The following ZNF782 variants were observed in gnomAD, a reference collection of about 807,000 sequenced individuals.
ZNF782 encodes zinc finger protein 782.
ZNF782 carries 12 observed loss-of-function variants against 13.0 expected under a neutral mutation model. The ratio of observed to expected loss-of-function variants is 0.92; its 90% CI spans 0.59 to 1.50. The LOEUF (loss-of-function observed/expected upper bound fraction) is 1.50, where lower values mean the gene tolerates loss of function less well. ZNF782 is among the 40% of genes most tolerant of loss of function. The pLI is 0.00. For synonymous variants in ZNF782, 284 were observed against 283.0 expected, an observed-to-expected ratio of 1.00 and a Z score of -0.04; for missense variants, 770 against 822.9, an observed-to-expected ratio of 0.94 and a Z score of 0.79.
At chr9:96,873,385 G>A (rs2118891502) in intron 1 of ZNF782, among the ~76,000 whole-genome samples, 1 of 152,278 alleles carries the variant, frequency 6.6e-6, no homozygotes, top group South Asian at 2.1e-4. Flanking sequence ...GAGGGGCACT[G>A]GACATAAATC....
chr9:96,890,524 TAATTA>T, the ZNF782 span: 1 of 152,296 alleles, frequency 6.6e-6, no homozygotes, highest in East Asian at 1.9e-4. Context: ...GTTCGCGTGT[TAATTA>T]AAGTACCCTC....
chr9:96,828,193 T>C (rs1330974765), intron 4 of ZNF782, among the ~76,000 whole-genome samples: 1 of 152,176 alleles, frequency 6.6e-6, no homozygotes, highest in East Asian at 1.9e-4. Context: ...AGGAAGTTTA[T>C]ATCATCACCA....
At chr9:96,917,894 G>GTGTC in the ZNF782 span, among the ~76,000 whole-genome samples, 15 of 145,114 alleles carry the variant, frequency 1.0e-4, no homozygotes, top group African/African-American at 3.7e-4. Context: ...TGGCGTGTGT[G>GTGTC]TGTGTGTGTG....
chr9:96,854,297 T>C lies in ZNF782; in HGVS notation c.-471A>G, dbSNP rs920147026. 6.6e-6 allele frequency: 1 copy of C among 152,214 alleles called. No homozygotes were observed. Among genetic ancestry groups the C allele is most frequent in the South Asian group, 2.1e-4 (1 of 4,838 alleles). The allele number at this position is 152,214 out of a possible 1,614,324, so 9.4% of individuals were successfully genotyped here. On this transcript the variant is annotated 5_prime_UTR_variant, in exon 1 of 6. Coordinates refer to ENST00000481138, the MANE Select transcript of ZNF782 (RefSeq NM_001001662.3). ...CCGCCCCGGGAGCCAGCGGCCGAAG[T>C]CCCTCTCCAGCGGCCGGGAAGGCCG...
chr9:96,863,295 G>T (rs947758902), intron 1 of ZNF782, among the ~76,000 whole-genome samples: 2 of 150,910 alleles, frequency 1.3e-5, no homozygotes, highest in South Asian at 2.1e-4. Context: ...AAATGCAAAC[G>T]AAAACCACAA....
At position 96,818,155 on chromosome 9, in the gene ZNF782, C is replaced by T. The variant is rs1161842086; in HGVS notation, c.1868G>A (p.Cys623Tyr). The change falls in exon 6 of 6, where the codon TGT becomes TAT. Residue 623 changes from cysteine (C) to tyrosine (Y), a missense_variant. By Grantham distance (194) the Cys-to-Tyr change is radical. Transcript: ENST00000481138. ...TGACTTCTCACTGAAAGCTTTTCCA[C>T]ATTCATTACATTCATAGGGCTTCTC... ...TGEKPYECNE[C>Y]GKAFSEKSVL... The T allele has an allele frequency of 1.9e-6, 3 of 1,614,080 alleles. No individual in the cohort carries two copies. In the South Asian group the frequency reaches 3.3e-5, roughly 18 times the overall value.
intron 4 of ZNF782, among the ~76,000 whole-genome samples, chr9:96,836,212 C>CT (rs1163521968): frequency 0.1 from 13,943 of 137,174 alleles, 808 homozygotes; most frequent in East Asian, 0.24. Context: ...AAGTAAAAAA[C>CT]TTTTTTTTTT....
intron 4 of ZNF782, among the ~76,000 whole-genome samples, chr9:96,835,668 T>C (rs1164152012): frequency 1.3e-5 from 2 of 152,312 alleles, no homozygotes; most frequent in Non-Finnish European, 1.5e-5. Context: ...CTAGAGGGCA[T>C]GAGCAGTAAG....
chr9:96,837,001 TTG>T (rs1851024053), intron 4 of ZNF782, among the ~76,000 whole-genome samples: 1 of 152,090 alleles, frequency 6.6e-6, no homozygotes, highest in Non-Finnish European at 1.5e-5. Flanking sequence ...GCCACCAGAA[TTG>T]TGAGCGAAAC....
At chr9:96,881,777 T>C in the ZNF782 span, among the ~76,000 whole-genome samples, 2 of 152,162 alleles carry the variant, frequency 1.3e-5, no homozygotes, top group East Asian at 3.8e-4. Flanking sequence ...CATTTATTTA[T>C]ATGTCCATTC....
chr9:96,886,981 AC>A, the ZNF782 span, among the ~76,000 whole-genome samples: 2 of 151,588 alleles, frequency 1.3e-5, no homozygotes, highest in African/African-American at 4.8e-5. Flanking sequence ...TATGCAAATA[AC>A]CCACAGAGAG....
chr9:96,932,048 C>A, the ZNF782 span: 1 of 1,609,580 alleles, frequency 6.2e-7, no homozygotes, highest in African/African-American at 1.3e-5. Context: ...TCCAGGCACC[C>A]TCTGTGGAGG....
chr9:96,846,220 G>T (rs1352575313), intron 3 of ZNF782, among the ~76,000 whole-genome samples: 1 of 152,124 alleles, frequency 6.6e-6, no homozygotes, highest in Non-Finnish European at 1.5e-5. Flanking sequence ...ACAAAAGTTT[G>T]ATATGCACCA....
At chr9:96,835,898 C>T (rs751816160) in intron 4 of ZNF782, among the ~76,000 whole-genome samples, 1 of 152,192 alleles carries the variant, frequency 6.6e-6, no homozygotes, top group Non-Finnish European at 1.5e-5. Context: ...TAAGGCAATG[C>T]CTAGTGGAGC....
the ZNF782 span, chr9:96,889,083 G>A: frequency 6.6e-6 from 1 of 152,250 alleles, no homozygotes; most frequent in Admixed American, 6.5e-5. Context: ...TGCCTGGTCA[G>A]TCTGTTTGAC....
chr9:96,930,856 G>A, the ZNF782 span, among the ~76,000 whole-genome samples: 1 of 143,180 alleles, frequency 7.0e-6, no homozygotes, highest in African/African-American at 2.6e-5. Context: ...TGGCTTGGGC[G>A]AGTTTCCATC....
the ZNF782 span, among the ~76,000 whole-genome samples, chr9:96,912,309 G>A: frequency 6.8e-6 from 1 of 146,182 alleles, no homozygotes; most frequent in Non-Finnish European, 1.5e-5. Flanking sequence ...GGCAGATCAT[G>A]AGGTCGGGAG....
In ZNF782 at chr9:96,818,810, C is replaced by T; in HGVS notation, c.1213G>A (p.Glu405Lys). 2 of 1,612,182 alleles carry T rather than the reference C, an allele frequency of 1.2e-6. No individual in the cohort carries two copies. Among genetic ancestry groups the T allele is most frequent in the Non-Finnish European group, 1.7e-6 (2 of 1,179,446 alleles). ...TGATGTTTTCTTAGGCGTGACTTCTCACTGAAGGCTTTCCCGCACTCAGGA... is the reference window on the plus strand; with the variant it reads ...TGATGTTTTCTTAGGCGTGACTTCTTACTGAAGGCTTTCCCGCACTCAGGA... ...ECPECGKAFS[E>K]KSRLRKHQRT... Residue 405 changes from glutamate (E) to lysine (K), a missense_variant, in exon 6 of 6, where the codon GAG (glutamate) becomes AAG (lysine). By Grantham distance (56) the Glu-to-Lys change is moderately conservative (BLOSUM62 1). Coordinates refer to ENST00000481138, the MANE Select transcript of ZNF782 (RefSeq NM_001001662.3).
chr9:96,884,965 G>C, the ZNF782 span, among the ~76,000 whole-genome samples: 1 of 151,860 alleles, frequency 6.6e-6, no homozygotes, highest in African/African-American at 2.4e-5. Flanking sequence ...AAATCAGATA[G>C]GGTATTATCT....
Sources: gnomAD v4.1 joint callset for allele counts (sites outside exome capture counted in the v4.1 genomes callset) on GRCh38, gnomAD v4.1.1 for gene constraint, MANE v1.5 for transcripts, NCBI Gene and HGNC (gene_info 2026-07-23, HGNC 2026-07-21) for gene names.